The following NPAS3 variants were observed in gnomAD, a reference collection of about 807,000 sequenced individuals.
NPAS3 encodes the protein neuronal PAS domain protein 3, also known as neuronal PAS domain-containing protein 3.
NPAS3 carries 14 observed loss-of-function variants against 73.1 expected under a neutral mutation model. That is an observed-to-expected ratio of 0.19 (90% confidence interval 0.13 to 0.30). NPAS3 has a LOEUF of 0.30. NPAS3 is among the 10% of genes least tolerant of loss of function. The pLI is 1.00. For missense variants in NPAS3, 1,096 were observed against 1,250.0 expected, an observed-to-expected ratio of 0.88 and a Z score of 1.86; for synonymous variants, 620 against 541.5, an observed-to-expected ratio of 1.14 and a Z score of -2.01.
At chr14:33,074,328 T>G (rs2041584777) in intron 2 of NPAS3, among the ~76,000 whole-genome samples, 1 of 152,228 alleles carries the variant, frequency 6.6e-6, no homozygotes, top group Non-Finnish European at 1.5e-5. Context: ...ATTTAAAGTT[T>G]GTATTTGTTA....
chr14:33,317,237 A>G (rs981258755), intron 3 of NPAS3, among the ~76,000 whole-genome samples: 1 of 152,116 alleles, frequency 6.6e-6, no homozygotes, highest in Admixed American at 6.6e-5. Context: ...CCATGGCAGA[A>G]GTATTTCATC....
intron 4 of NPAS3, among the ~76,000 whole-genome samples, chr14:33,546,801 T>C (rs1490733704): frequency 4.6e-5 from 7 of 152,232 alleles, no homozygotes; most frequent in Admixed American, 4.6e-4. Context: ...TGTTGCATTA[T>C]ACAGTATTGA....
At chr14:32,999,423 A>T (rs2038718960) in intron 1 of NPAS3, among the ~76,000 whole-genome samples, 1 of 152,080 alleles carries the variant, frequency 6.6e-6, no homozygotes, top group Non-Finnish European at 1.5e-5. Context: ...AGGCAGGAGA[A>T]TGGTGTGAAC....
intron 7 of NPAS3, among the ~76,000 whole-genome samples, chr14:33,763,969 T>A (rs1039509193): frequency 7.3e-5 from 11 of 151,652 alleles, no homozygotes; most frequent in East Asian, 3.9e-4. Flanking sequence ...AAAAAAAAAA[T>A]TTCAGCTCAA....
chr14:33,168,784 C>T (rs1392091623), intron 2 of NPAS3, among the ~76,000 whole-genome samples: 1 of 152,164 alleles, frequency 6.6e-6, no homozygotes, highest in Non-Finnish European at 1.5e-5. Flanking sequence ...CGTTGGCCTT[C>T]CTCCTGTTCT....
In NPAS3 at chr14:33,051,280, C is replaced by CAAAAAAA. The variant is rs1236766783; in HGVS notation, c.51-4614_51-4608dup. ...TGGGCAACAGAGCGAGACTCCGTCT[C>CAAAAAAA]AAAAAAAAAAAAAAAAAGAGAGACT... On this transcript the variant is annotated intron_variant, in intron 1 of 11. Transcript: ENST00000356141. Among the ~76,000 whole-genome samples the CAAAAAAA allele has an allele frequency of 7.5e-4, 48 of 64,252 alleles. 1 individual carries two copies. The highest frequency in any genetic ancestry group is 2.2e-3 in the African/African-American group (34 of 15,540). 42.2% of individuals were successfully genotyped at this position (64,252 alleles called of 152,430 possible).
At chr14:33,459,721 G>A (rs554457223) in intron 4 of NPAS3, among the ~76,000 whole-genome samples, 18 of 152,258 alleles carry the variant, frequency 1.2e-4, no homozygotes, top group South Asian at 2.1e-4. Context: ...GCAGCATATC[G>A]TATTTTGAAG....
chr14:33,665,514 A>G (rs1212469088), intron 5 of NPAS3, among the ~76,000 whole-genome samples: 1 of 152,178 alleles, frequency 6.6e-6, no homozygotes, highest in Non-Finnish European at 1.5e-5. Flanking sequence ...GACATTCAGT[A>G]ATTGCATTGT....
chr14:33,588,899 G>A (rs1457602065), intron 5 of NPAS3, among the ~76,000 whole-genome samples: 1 of 152,154 alleles, frequency 6.6e-6, no homozygotes, highest in Non-Finnish European at 1.5e-5. Context: ...AGAATTACAG[G>A]TGTGAGCCAC....
intron 1 of NPAS3, among the ~76,000 whole-genome samples, chr14:32,970,082 T>C (rs937857568): frequency 1.6e-4 from 24 of 152,264 alleles, no homozygotes; most frequent in African/African-American, 5.8e-4. Context: ...GATATCTGGA[T>C]ATTAAGGAAA....
chr14:33,280,729 A>G (rs4982065), intron 3 of NPAS3, among the ~76,000 whole-genome samples: 69,158 of 152,032 alleles, frequency 0.45, 17,156 homozygotes, highest in African/African-American at 0.65. Flanking sequence ...AGAAAGTACA[A>G]AAAGGATATT....
At chr14:33,377,464 A>G (rs964381850) in intron 4 of NPAS3, among the ~76,000 whole-genome samples, 6 of 152,264 alleles carry the variant, frequency 3.9e-5, no homozygotes, top group Admixed American at 3.9e-4. Flanking sequence ...GGTTTAATGC[A>G]CATATGCTTC....
intron 9 of NPAS3, 23 bp from the exon 10 acceptor site, chr14:33,793,874 T>C (rs754248232): frequency 6.3e-7 from 1 of 1,599,818 alleles, no homozygotes; most frequent in Non-Finnish European, 8.5e-7. Flanking sequence ...ATACAATGCC[T>C]CTGTTTTGTT....
intron 4 of NPAS3, among the ~76,000 whole-genome samples, chr14:33,384,037 G>T (rs934240991): frequency 1.1e-4 from 16 of 152,060 alleles, no homozygotes; most frequent in Admixed American, 7.9e-4. Context: ...GGCTGTGTTT[G>T]GCTTTGTTGT....
intron 7 of NPAS3, among the ~76,000 whole-genome samples, chr14:33,757,231 G>T (rs766007402): frequency 2.0e-5 from 3 of 152,138 alleles, no homozygotes; most frequent in Non-Finnish European, 4.4e-5. Context: ...ATCAATCAAG[G>T]CTCTTGAGTG....
At chr14:33,252,545 A>C (rs2048625164) in intron 3 of NPAS3, among the ~76,000 whole-genome samples, 1 of 152,010 alleles carries the variant, frequency 6.6e-6, no homozygotes, top group Non-Finnish European at 1.5e-5. Flanking sequence ...GTTATTCTTG[A>C]TTACATTGTC....
intron 4 of NPAS3, among the ~76,000 whole-genome samples, chr14:33,453,066 C>G (rs2049874617): frequency 6.6e-6 from 1 of 152,036 alleles, no homozygotes; most frequent in South Asian, 2.1e-4. Flanking sequence ...TCACAGATGC[C>G]AGTGGACCAG....
intron 3 of NPAS3, among the ~76,000 whole-genome samples, chr14:33,358,128 C>G (rs139359334): frequency 1.3e-5 from 2 of 152,102 alleles, no homozygotes; most frequent in South Asian, 2.1e-4. Context: ...CTTCAGAACA[C>G]GGAGGTGATA....
Position 33,800,069 on chromosome 14 carries a change from G to A in NPAS3, c.1762G>A (p.Glu588Lys), listed in dbSNP as rs769133720. 8 of 1,601,118 alleles carry A rather than the reference G, an allele frequency of 5.0e-6. No homozygotes were observed. Among genetic ancestry groups the A allele is most frequent in the Admixed American group, 1.7e-5 (1 of 58,748 alleles). ...CGCCAAGGACTCGGACAGCGCAGGCGAGGCGGGCGCGCAGGCCTCCAGCAA... is the reference window on the plus strand; with the variant it reads ...CGCCAAGGACTCGGACAGCGCAGGCAAGGCGGGCGCGCAGGCCTCCAGCAA... The change falls in exon 12 of 12, where the codon GAG (glutamate) becomes AAG (lysine). Residue 588 changes from glutamate to lysine, a missense_variant. Around this residue, in one of 5 missense-constraint regions of NPAS3, gnomAD observed 698 missense variants for 676.7 expected, o/e 1.03. Transcript: ENST00000356141. The surrounding 1 kb of genome is among the most constrained non-coding windows in gnomAD (Gnocchi z 6.5).
Sources: allele counts gnomAD v4.1 joint callset (sites outside exome capture counted in the v4.1 genomes callset), GRCh38; gene constraint gnomAD v4.1.1; regional missense constraint gnomAD v4.1.1; non-coding constraint Gnocchi (gnomAD v3.1); transcripts MANE v1.5; gene names NCBI Gene and HGNC (gene_info 2026-07-23, HGNC 2026-07-21).